The following WWC2 variants were observed in gnomAD, a reference collection of about 807,000 sequenced individuals.
WWC2 encodes the protein protein WWC2.
A neutral mutation model predicts 138.5 loss-of-function variants in WWC2; 101 were observed. The observed-to-expected ratio is 0.73, with a 90% CI of 0.62 to 0.86. The LOEUF (loss-of-function observed/expected upper bound fraction) is 0.86, where lower values mean the gene tolerates loss of function less well. Among genes scored for constraint, WWC2 ranks in the 40% least tolerant of loss-of-function variants. The pLI, the probability that WWC2 is intolerant of heterozygous loss-of-function variation, is 0.00. For synonymous variants in WWC2, 558 were observed against 538.4 expected (o/e 1.04, Z -0.50); for missense variants, 1,420 against 1,419.4 (o/e 1.00, Z -0.01).
chr4:183,280,530 T>C (rs78931983), intron 16 of WWC2, among the ~76,000 whole-genome samples: 2 of 152,034 alleles, frequency 1.3e-5, no homozygotes, highest in South Asian at 2.1e-4. Flanking sequence ...GCTCACCTTA[T>C]TATATTTCTG....
At chr4:183,222,275 A>G (rs1350986666) in intron 4 of WWC2, among the ~76,000 whole-genome samples, 1 of 151,888 alleles carries the variant, frequency 6.6e-6, no homozygotes, top group Non-Finnish European at 1.5e-5. Context: ...TTAAAATACC[A>G]TTTTCTATGT....
Position 183,319,682 on chromosome 4 carries a change from T to C in WWC2, c.*3953T>C, listed in dbSNP as rs1166061034. ...AGGCTGCACAGTGGAGCAGACACCC[T>C]CCTAGCAGAAGAGAAAGTCCAGCAA... On this transcript the variant is annotated 3_prime_UTR_variant, in exon 23 of 23. Coordinates refer to ENST00000403733, the MANE Select transcript of WWC2 (RefSeq NM_024949.6). 4 of 1,614,038 alleles carry C rather than the reference T, an allele frequency of 2.5e-6. No homozygotes were observed. The highest frequency in any genetic ancestry group is 1.7e-6 in the Non-Finnish European group (2 of 1,180,004).
At position 183,320,633 on chromosome 4, in the gene WWC2, GT is replaced by G. The variant is rs1739616918; in HGVS notation, c.*4907del. 1 of 198,014 alleles carries G rather than the reference GT, an allele frequency of 5.1e-6. No individual in the cohort carries two copies. Among genetic ancestry groups the G allele is most frequent in the Non-Finnish European group, 1.2e-5 (1 of 86,084 alleles). 12.3% of individuals were successfully genotyped at this position (198,014 alleles called of 1,614,324 possible). On this transcript the variant is annotated 3_prime_UTR_variant, in exon 23 of 23. Coordinates refer to ENST00000403733, the MANE Select transcript of WWC2 (RefSeq NM_024949.6). ...TTTGGTTCAACTCCTCCTGCTTTGTGTTTCACTAACTGCACCTGTCAGATTT... is the reference window on the plus strand; with the variant it reads ...TTTGGTTCAACTCCTCCTGCTTTGTGTTCACTAACTGCACCTGTCAGATTT...
intron 1 of WWC2, among the ~76,000 whole-genome samples, chr4:183,139,855 G>A (rs1291506209): frequency 6.6e-6 from 1 of 152,058 alleles, no homozygotes; most frequent in African/African-American, 2.4e-5. Context: ...TTCTGTTTCC[G>A]AGGCTGGAGT....
intron 6 of WWC2, among the ~76,000 whole-genome samples, chr4:183,247,786 T>G (rs987284881): frequency 1.5e-5 from 2 of 137,184 alleles, no homozygotes; most frequent in African/African-American, 2.7e-5. Flanking sequence ...TATATATATA[T>G]TATATATATA....
intron 1 of WWC2, among the ~76,000 whole-genome samples, chr4:183,161,037 TA>T (rs553051059): frequency 3.6e-4 from 52 of 146,428 alleles, no homozygotes; most frequent in East Asian, 4.0e-4. Flanking sequence ...CCTAGAGCAT[TA>T]AAAAAAAAAA....
At chr4:183,171,988 T>C (rs1042027777) in intron 1 of WWC2, among the ~76,000 whole-genome samples, 6 of 152,230 alleles carry the variant, frequency 3.9e-5, no homozygotes, top group African/African-American at 1.4e-4. Flanking sequence ...ATATTATTCA[T>C]GGATGACCTA....
Position 183,280,891 on chromosome 4 carries a change from G to A in WWC2, c.2678G>A (p.Gly893Glu), listed in dbSNP as rs1738049362. Residue 893 changes from glycine (G) to glutamate (E), a missense_variant, in exon 17 of 23, where the codon GGA (glycine) becomes GAA (glutamate). Gly to Glu is a moderately conservative substitution (Grantham distance 98). Transcript: ENST00000403733. Reference sequence around the variant, plus strand: ...CAAGAAGAGCCAAGGGGCCCAGATGGAGACTGGTTAAACACTTATTTCCTT... The same window carrying A: ...CAAGAAGAGCCAAGGGGCCCAGATGAAGACTGGTTAAACACTTATTTCCTT... ...SGQEEPRGPD[G>E]DWLTMLREAS... The A allele has an allele frequency of 6.4e-7, 1 of 1,562,430 alleles. No individual in the cohort carries two copies. The highest frequency in any genetic ancestry group is 8.7e-7 in the Non-Finnish European group (1 of 1,152,876).
At chr4:183,111,903 G>A (rs751996086) in intron 1 of WWC2, among the ~76,000 whole-genome samples, 1 of 152,038 alleles carries the variant, frequency 6.6e-6, no homozygotes, top group African/African-American at 2.4e-5. Context: ...TCGCCATGTT[G>A]CCCAGGCTGG....
Position 183,193,450 on chromosome 4 carries a change from T to G in WWC2, c.132-149T>G. Reference sequence around the variant, plus strand: ...GGTATTACGACTTGTCCTACTTTTTTGGATATATACATCTGTATTTTATCC... The same window carrying G: ...GGTATTACGACTTGTCCTACTTTTTGGGATATATACATCTGTATTTTATCC... On this transcript the variant is annotated intron_variant, in intron 1 of 22. Coordinates refer to ENST00000403733, the MANE Select transcript of WWC2 (RefSeq NM_024949.6). The G allele has an allele frequency of 7.7e-6, 5 of 648,630 alleles. No individual in the cohort carries two copies. In the South Asian group the frequency reaches 1.0e-4, roughly 14 times the overall value. 40.2% of individuals were successfully genotyped at this position (648,630 alleles called of 1,614,324 possible).
At chr4:183,254,194 C>T (rs979359165) in intron 9 of WWC2, among the ~76,000 whole-genome samples, 195 bp downstream of exon 9, 2 of 152,118 alleles carry the variant, frequency 1.3e-5, no homozygotes, top group Non-Finnish European at 1.5e-5. Context: ...GTTTTAGGAA[C>T]GTGCAAAACC....
chr4:183,269,555 T>C, intron 15 of WWC2: 1 of 471,844 alleles, frequency 2.1e-6, no homozygotes, highest in Non-Finnish European at 4.4e-6. Flanking sequence ...AGATTGGTTA[T>C]GAAATGGATG....
At chr4:183,259,785 C>A in intron 10 of WWC2, 57 bp downstream of exon 10, 1 of 1,178,592 alleles carries the variant, frequency 8.5e-7, no homozygotes, top group South Asian at 1.4e-5. Context: ...TGTTCTTGTT[C>A]ATCTTTGATT....
In WWC2 at chr4:183,317,672, G is replaced by A. The variant is rs558666488; in HGVS notation, c.*1943G>A. 6.6e-6 allele frequency: 1 copy of A among 152,618 alleles called. No individual in the cohort carries two copies. Among genetic ancestry groups the A allele is most frequent in the African/African-American group, 2.4e-5 (1 of 41,554 alleles). The allele number at this position is 152,618 out of a possible 1,614,324, so 9.5% of individuals were successfully genotyped here. A position where few individuals can be genotyped will look rare whatever the true frequency, so the allele number is the denominator to read the frequency against. ...TTTATTTATTTACAGTCTTATTTATGTTCTGTTTAATATATAGTTTGATTC... is the reference window on the plus strand; with the variant it reads ...TTTATTTATTTACAGTCTTATTTATATTCTGTTTAATATATAGTTTGATTC... On this transcript the variant is annotated 3_prime_UTR_variant, in exon 23 of 23. Transcript: ENST00000403733.
chr4:183,109,644 A>C (rs996933448), intron 1 of WWC2, among the ~76,000 whole-genome samples: 1 of 152,190 alleles, frequency 6.6e-6, no homozygotes, highest in Non-Finnish European at 1.5e-5. Context: ...CAGGAGGCGG[A>C]GCTCAGGCGG....
At chr4:183,113,515 TGCGC>T (rs1554064965) in intron 1 of WWC2, among the ~76,000 whole-genome samples, 1 of 126,644 alleles carries the variant, frequency 7.9e-6, no homozygotes, top group Non-Finnish European at 1.7e-5. Flanking sequence ...TGTGTGTGTG[TGCGC>T]GCGCGTGCGC....
At chr4:183,174,105 G>C (rs1054456033) in intron 1 of WWC2, among the ~76,000 whole-genome samples, 2 of 152,180 alleles carry the variant, frequency 1.3e-5, no homozygotes, top group Non-Finnish European at 2.9e-5. Flanking sequence ...TGGAAATGGG[G>C]CTTGGGATGC....
intron 20 of WWC2, 93 bp downstream of exon 20, chr4:183,286,152 C>G: frequency 8.3e-7 from 1 of 1,209,334 alleles, no homozygotes; most frequent in Non-Finnish European, 1.2e-6. Flanking sequence ...GAATGAATGT[C>G]AGTGCTCCAT....
At chr4:183,254,488 G>A (rs1335030297) in intron 9 of WWC2, among the ~76,000 whole-genome samples, 1 of 152,170 alleles carries the variant, frequency 6.6e-6, no homozygotes, top group Non-Finnish European at 1.5e-5. Context: ...TCCCTCCCGT[G>A]AAACAGGTGA....
Sources: allele counts gnomAD v4.1 joint callset (sites outside exome capture counted in the v4.1 genomes callset), GRCh38; gene constraint gnomAD v4.1.1; transcripts MANE v1.5; gene names NCBI Gene and HGNC (gene_info 2026-07-23, HGNC 2026-07-21).